The following CPNE4 variants were observed in gnomAD, a reference collection of about 807,000 sequenced individuals.
CPNE4 encodes the protein copine-4.
CPNE4 carries 25 observed loss-of-function variants against 67.9 expected under a neutral mutation model. The observed-to-expected ratio is 0.37, with a 90% CI of 0.27 to 0.51. The LOEUF is 0.51. Ranked by LOEUF, CPNE4 falls within the 20% of genes least tolerant of loss-of-function variation. The probability of loss-of-function intolerance (pLI) is 0.93; values close to 1 mark genes in which losing one functional copy is unlikely to be tolerated. For missense variants in CPNE4, 464 were observed against 690.8 expected, an observed-to-expected ratio of 0.67 and a Z score of 3.68; for synonymous variants, 242 against 244.9, an observed-to-expected ratio of 0.99 and a Z score of 0.11.
intron 1 of CPNE4, among the ~76,000 whole-genome samples, chr3:131,930,021 G>A (rs1052993893): frequency 1.3e-5 from 2 of 152,152 alleles, no homozygotes; most frequent in Admixed American, 1.3e-4. Flanking sequence ...TTTACAAGTA[G>A]GAACTTAAGA....
chr3:131,681,920 A>T (rs1227329576), intron 6 of CPNE4, among the ~76,000 whole-genome samples: 3 of 151,924 alleles, frequency 2.0e-5, no homozygotes, highest in Non-Finnish European at 4.4e-5. Context: ...GGATAATTTG[A>T]TACCTTATAT....
intron 7 of CPNE4, among the ~76,000 whole-genome samples, chr3:131,637,789 G>A (rs12632051): frequency 0.13 from 20,303 of 152,072 alleles, 1,527 homozygotes; most frequent in African/African-American, 0.2. Context: ...TGAGGCAAAA[G>A]CATCAGGTAA....
intron 2 of CPNE4, among the ~76,000 whole-genome samples, chr3:131,883,107 A>G (rs2369225): frequency 0.35 from 53,753 of 152,018 alleles, 10,678 homozygotes; most frequent in African/African-American, 0.53. Flanking sequence ...CTTCTACAAG[A>G]ACTTATAGCC....
intron 6 of CPNE4, among the ~76,000 whole-genome samples, chr3:131,678,065 A>G (rs2080633449): frequency 6.6e-6 from 1 of 152,212 alleles, no homozygotes; most frequent in African/African-American, 2.4e-5. Context: ...ATGCATGAGC[A>G]TGGAATAATT....
chr3:131,941,615 C>T (rs2071390475), intron 1 of CPNE4, among the ~76,000 whole-genome samples: 1 of 151,978 alleles, frequency 6.6e-6, no homozygotes, highest in South Asian at 2.1e-4. Flanking sequence ...TTTATTGTTA[C>T]TTTAATGCAA....
chr3:131,577,999 T>C (rs919518582), intron 9 of CPNE4, among the ~76,000 whole-genome samples: 6 of 152,114 alleles, frequency 3.9e-5, no homozygotes, highest in African/African-American at 1.4e-4. Context: ...AAATTATAAG[T>C]TGAGTCATCG....
intron 2 of CPNE4, among the ~76,000 whole-genome samples, chr3:131,805,573 C>T (rs2084277971): frequency 6.6e-6 from 1 of 152,202 alleles, no homozygotes; most frequent in African/African-American, 2.4e-5. Context: ...TGCAACTAGA[C>T]ATTAACAGGG....
intron 1 of CPNE4, among the ~76,000 whole-genome samples, chr3:131,978,200 A>ATATAATAAATTTACATAT (rs2072746073): frequency 1.9e-5 from 1 of 51,606 alleles, no homozygotes; most frequent in African/African-American, 1.8e-4. Context: ...ATTTATAATT[A>ATATAATAAATTTACATAT]TTATATATAA....
In CPNE4 at chr3:131,574,920, A is replaced by G. The variant is rs1007033345; in HGVS notation, c.927+151T>C. The stretch of plus-strand genomic sequence containing the variant: ...ACAGAAGTGTGAACACATTTCAAAA[A>G]CACGATACCATACGCTTCAACAATG... On this transcript the variant is annotated intron_variant, in intron 10 of 15. Coordinates refer to ENST00000429747, the MANE Select transcript of CPNE4 (RefSeq NM_130808.3). 1.5e-5 allele frequency: 9 copies of G among 618,356 alleles called. No individual in the cohort carries two copies. In the African/African-American group the frequency reaches 1.5e-4, roughly 10 times the overall value. 38.3% of individuals were successfully genotyped at this position (618,356 alleles called of 1,614,324 possible).
At chr3:131,621,825 G>A (rs1302290979) in intron 7 of CPNE4, among the ~76,000 whole-genome samples, 1 of 149,746 alleles carries the variant, frequency 6.7e-6, no homozygotes, top group Admixed American at 6.6e-5. Flanking sequence ...TGAGCAATGT[G>A]GCAAAACCCC....
chr3:131,603,075 T>C (rs149535779), intron 7 of CPNE4, among the ~76,000 whole-genome samples: 17 of 152,296 alleles, frequency 1.1e-4, no homozygotes, highest in African/African-American at 4.1e-4. Flanking sequence ...CTATGACTTA[T>C]ATCTCCACCT....
intron 2 of CPNE4, among the ~76,000 whole-genome samples, chr3:131,861,454 G>A (rs901133085): frequency 6.8e-6 from 1 of 147,738 alleles, no homozygotes. Flanking sequence ...GTGTGTGACG[G>A]AATTTTGCTG....
intron 7 of CPNE4, among the ~76,000 whole-genome samples, chr3:131,637,583 G>T (rs928420563): frequency 2.0e-5 from 3 of 152,152 alleles, no homozygotes; most frequent in African/African-American, 7.2e-5. Context: ...TGTTCCCAAG[G>T]AAGAAGAGAA....
chr3:131,641,122 C>A (rs768432288), intron 7 of CPNE4, among the ~76,000 whole-genome samples: 134 of 152,140 alleles, frequency 8.8e-4, no homozygotes, highest in Admixed American at 1.7e-3. Flanking sequence ...GACTTCATGA[C>A]CAAGAACCCA....
intron 2 of CPNE4, among the ~76,000 whole-genome samples, chr3:131,780,255 G>C (rs115818077): frequency 0.01 from 1,570 of 152,268 alleles, 17 homozygotes; most frequent in Non-Finnish European, 0.014. Flanking sequence ...TTCAGTCACT[G>C]TTGAAAGCAG....
intron 1 of CPNE4, among the ~76,000 whole-genome samples, chr3:131,923,027 C>T (rs2070784421): frequency 6.6e-6 from 1 of 152,102 alleles, no homozygotes; most frequent in Admixed American, 6.6e-5. Flanking sequence ...TGGGCCAAAA[C>T]CTTTAAAACA....
intron 9 of CPNE4, among the ~76,000 whole-genome samples, chr3:131,581,207 C>G (rs1341495967): frequency 6.6e-6 from 1 of 152,024 alleles, no homozygotes; most frequent in Non-Finnish European, 1.5e-5. Context: ...AAAACCAAAC[C>G]AAACCAAACA....
At chr3:131,751,651 C>T (rs1006938724) in intron 2 of CPNE4, among the ~76,000 whole-genome samples, 4 of 151,962 alleles carry the variant, frequency 2.6e-5, no homozygotes, top group Non-Finnish European at 5.9e-5. Flanking sequence ...AATACATTGT[C>T]TTTTCTCATT....
intron 2 of CPNE4, among the ~76,000 whole-genome samples, chr3:131,831,757 T>C (rs1169647494): frequency 1.3e-5 from 2 of 152,172 alleles, no homozygotes; most frequent in East Asian, 1.9e-4. Flanking sequence ...GTGTCACTAG[T>C]GTCCGAGGGT....
Sources: allele counts gnomAD v4.1 joint callset (sites outside exome capture counted in the v4.1 genomes callset), GRCh38; gene constraint gnomAD v4.1.1; transcripts MANE v1.5; gene names NCBI Gene and HGNC (gene_info 2026-07-23, HGNC 2026-07-21).